The following SNTB2 variants were observed in gnomAD, a reference collection of about 807,000 sequenced individuals.
SNTB2 encodes beta-2-syntrophin.
SNTB2 carries 34 observed loss-of-function variants against 46.2 expected under a neutral mutation model. That is an observed-to-expected ratio of 0.74 (90% CI 0.56 to 0.98). SNTB2 has a LOEUF of 0.98. SNTB2 is among the 50% of genes least tolerant of loss of function. The probability of loss-of-function intolerance (pLI) is 0.00; values close to 1 mark genes in which losing one functional copy is unlikely to be tolerated. For synonymous variants in SNTB2, 290 were observed against 312.6 expected (o/e 0.93, Z 0.76); for missense variants, 603 against 731.4 (o/e 0.82, Z 2.02).
chr16:69,211,854 C>T lies in SNTB2; in HGVS notation c.580+24108C>T, dbSNP rs116469008. ...TTCTTTAAGTTCTTCAAAAATAAAC[C>T]CTTATTCATTATCCTCTGAAGTTTG... is the stretch of plus-strand genomic sequence containing the variant. On this transcript the variant is annotated intron_variant, in intron 1 of 6. Coordinates refer to ENST00000336278, the MANE Select transcript of SNTB2 (RefSeq NM_006750.4). 5.6e-3 allele frequency among the ~76,000 whole-genome samples: 854 copies of T among 152,164 alleles called. 9 individuals are homozygous for T. The highest frequency in any genetic ancestry group is 0.019 in the African/African-American group (784 of 41,510).
chr16:69,230,673 T>C (rs1369738074), intron 1 of SNTB2, among the ~76,000 whole-genome samples: 1 of 151,444 alleles, frequency 6.6e-6, no homozygotes, highest in Non-Finnish European at 1.5e-5. Context: ...GTTCATTTTT[T>C]CAAAAAGTAG....
At chr16:69,267,636 T>G (rs1023711118) in intron 3 of SNTB2, among the ~76,000 whole-genome samples, 2 of 152,212 alleles carry the variant, frequency 1.3e-5, no homozygotes, top group African/African-American at 2.4e-5. Context: ...TTTTTTTGCT[T>G]TCAGCACATG....
At chr16:69,234,980 G>T (rs893055334) in intron 1 of SNTB2, among the ~76,000 whole-genome samples, 1 of 152,132 alleles carries the variant, frequency 6.6e-6, no homozygotes, top group African/African-American at 2.4e-5. Flanking sequence ...TGGGATTACA[G>T]GTGTGAGCCA....
intron 2 of SNTB2, among the ~76,000 whole-genome samples, chr16:69,251,695 A>G (rs1047528154): frequency 1.3e-5 from 2 of 152,030 alleles, no homozygotes; most frequent in Non-Finnish European, 2.9e-5. Context: ...GGAGAATCGC[A>G]TGAACTCGGT....
At chr16:69,244,162 T>C (rs1041830211) in intron 1 of SNTB2, among the ~76,000 whole-genome samples, 3 of 152,232 alleles carry the variant, frequency 2.0e-5, no homozygotes, top group Non-Finnish European at 4.4e-5. Flanking sequence ...CAGTTAGGAT[T>C]TGAACAAGGT....
chr16:69,239,398 A>G (rs1479004889), intron 1 of SNTB2, among the ~76,000 whole-genome samples: 2 of 152,160 alleles, frequency 1.3e-5, no homozygotes, highest in African/African-American at 4.8e-5. Context: ...ATGAATCTGG[A>G]CACATACATA....
chr16:69,282,498 T>A (rs1168578824), intron 4 of SNTB2, among the ~76,000 whole-genome samples: 1 of 152,168 alleles, frequency 6.6e-6, no homozygotes, highest in Non-Finnish European at 1.5e-5. Flanking sequence ...AGCTTTATAG[T>A]AAGTGAAAGT....
Position 69,299,777 on chromosome 16 carries a change from AAG to A in SNTB2, c.1530+6_1530+7del, listed in dbSNP as rs1199424603. 6 of 1,613,394 alleles carry A rather than the reference AAG, an allele frequency of 3.7e-6. No individual in the cohort carries two copies. Among genetic ancestry groups the A allele is most frequent in the Admixed American group, 3.3e-5 (2 of 59,910 alleles). On this transcript the variant is annotated splice_donor_5th_base_variant and intron_variant, in intron 6 of 6. Transcript: ENST00000336278. ...TTGGTGGTCCCGAGGGAGAACTGGT[AAG>A]AGTGTTTCTGAAACACATGTTTATC...
At chr16:69,207,897 C>G (rs961364649) in intron 1 of SNTB2, among the ~76,000 whole-genome samples, 2 of 151,426 alleles carry the variant, frequency 1.3e-5, no homozygotes, top group Non-Finnish European at 2.9e-5. Flanking sequence ...CACCTGAGAT[C>G]AGGAGTTCGA....
chr16:69,286,546 G>GC, intron 5 of SNTB2, among the ~76,000 whole-genome samples: 1 of 152,230 alleles, frequency 6.6e-6, no homozygotes, highest in East Asian at 1.9e-4. Context: ...TTAGCTGGGA[G>GC]TGGTGACACA....
chr16:69,229,542 G>C (rs962924757), intron 1 of SNTB2, among the ~76,000 whole-genome samples: 1 of 145,524 alleles, frequency 6.9e-6, no homozygotes, highest in Admixed American at 6.9e-5. Context: ...TAGTGGTACA[G>C]TAATAGCTCA....
intron 4 of SNTB2, among the ~76,000 whole-genome samples, chr16:69,273,806 G>A (rs1050715904): frequency 6.6e-6 from 1 of 152,058 alleles, no homozygotes; most frequent in African/African-American, 2.4e-5. Context: ...CTAAGTAAGC[G>A]ATAGCATGCT....
intron 1 of SNTB2, among the ~76,000 whole-genome samples, chr16:69,212,317 C>G (rs762123850): frequency 2.6e-5 from 4 of 151,074 alleles, no homozygotes; most frequent in Non-Finnish European, 5.9e-5. Context: ...GTTGAGCATG[C>G]CTTTGTGTTT....
Position 69,284,216 on chromosome 16 carries a change from T to C in SNTB2, c.1317T>C (p.Ala439=), listed in dbSNP as rs202005327. 9.9e-6 allele frequency: 16 copies of C among 1,613,172 alleles called. No individual in the cohort carries two copies. The East Asian group carries it at 3.3e-4, about 34-fold the overall frequency. Residue 439 remains alanine (A), a synonymous_variant, in exon 5 of 7, where the codon GCT becomes GCC. Transcript: ENST00000336278. The stretch of plus-strand genomic sequence containing the variant: ...TACTTGTTCAGGGTTGCCATGCTGC[T>C]GCTGAGCTGATCAAGGAAGTCTCTC... ...TRILVQGCHA[A]AELIKEVSLG...
At chr16:69,210,545 G>GT (rs1279647555) in intron 1 of SNTB2, among the ~76,000 whole-genome samples, 3 of 150,982 alleles carry the variant, frequency 2.0e-5, no homozygotes, top group African/African-American at 7.3e-5. Flanking sequence ...GCCATATTAT[G>GT]TTTTTAGAGA....
At chr16:69,212,737 C>T (rs530988358) in intron 1 of SNTB2, among the ~76,000 whole-genome samples, 11 of 152,202 alleles carry the variant, frequency 7.2e-5, no homozygotes, top group South Asian at 2.1e-4. Context: ...TGGGTTCAAG[C>T]GATTCTCCTG....
chr16:69,293,574 C>T (rs771041556), intron 5 of SNTB2, among the ~76,000 whole-genome samples: 5 of 152,068 alleles, frequency 3.3e-5, no homozygotes, highest in Admixed American at 6.5e-5. Flanking sequence ...GAGTAGACAG[C>T]TCTTTCAAGA....
At chr16:69,259,302 G>A (rs886400731) in intron 2 of SNTB2, among the ~76,000 whole-genome samples, 2 of 129,700 alleles carry the variant, frequency 1.5e-5, no homozygotes, top group African/African-American at 6.0e-5. Context: ...GCTGGATCTC[G>A]GCTCACTGCA....
At chr16:69,204,191 C>G (rs1023509425) in intron 1 of SNTB2, among the ~76,000 whole-genome samples, 2 of 152,162 alleles carry the variant, frequency 1.3e-5, no homozygotes, top group Non-Finnish European at 2.9e-5. Flanking sequence ...TGTGCCTGGC[C>G]AGAATCTATT....
Sources: gnomAD v4.1 joint callset for allele counts (sites outside exome capture counted in the v4.1 genomes callset) on GRCh38, gnomAD v4.1.1 for gene constraint, MANE v1.5 for transcripts, NCBI Gene and HGNC (gene_info 2026-07-23, HGNC 2026-07-21) for gene names.